Variants in ROBO2 observed in about 807,000 individuals in gnomAD.
ROBO2 encodes the protein roundabout guidance receptor 2.
ROBO2 carries 53 observed loss-of-function variants against 160.8 expected under a neutral mutation model. That is an observed-to-expected ratio of 0.33 (90% CI 0.26 to 0.41). ROBO2 has a LOEUF of 0.41. Among genes scored for constraint, ROBO2 ranks in the 10% least tolerant of loss-of-function variants. ROBO2 has a pLI of 1.00. For missense variants in ROBO2, 1,577 were observed against 1,722.4 expected (o/e 0.92, Z 1.49); for synonymous variants, 664 against 611.7 (o/e 1.09, Z -1.26).
intron 2 of ROBO2, among the ~76,000 whole-genome samples, chr3:76,949,866 G>A (rs1242135527): frequency 6.6e-6 from 1 of 152,158 alleles, no homozygotes; most frequent in African/African-American, 2.4e-5. Flanking sequence ...AACAAATCAA[G>A]CTTTGTATTT....
At chr3:77,471,548 C>T (rs954518733) in intron 2 of ROBO2, among the ~76,000 whole-genome samples, 6 of 152,068 alleles carry the variant, frequency 3.9e-5, no homozygotes, top group African/African-American at 1.2e-4. Flanking sequence ...AACATGGCAC[C>T]GTGCATGATC....
intron 2 of ROBO2, among the ~76,000 whole-genome samples, chr3:76,009,993 A>G (rs1226247891): frequency 6.6e-6 from 1 of 151,672 alleles, no homozygotes; most frequent in East Asian, 1.9e-4. Context: ...TATTTTCTTT[A>G]TATGTATTGT....
chr3:75,996,752 ATATGTAAAT>A (rs2065738037), intron 2 of ROBO2, among the ~76,000 whole-genome samples: 1 of 83,744 alleles, frequency 1.2e-5, no homozygotes, highest in African/African-American at 3.4e-5. Context: ...CAATTCTGAT[ATATGTAAAT>A]CATCAATTCT....
chr3:75,942,908 G>A (rs2107096746), intron 2 of ROBO2, among the ~76,000 whole-genome samples: 1 of 152,250 alleles, frequency 6.6e-6, no homozygotes, highest in Middle Eastern at 3.4e-3. Flanking sequence ...TTTCTTAAAA[G>A]TAGTTAGCAA....
intron 2 of ROBO2, among the ~76,000 whole-genome samples, chr3:76,596,644 G>C (rs1036697823): frequency 2.0e-5 from 3 of 152,044 alleles, no homozygotes; most frequent in Admixed American, 1.3e-4. Context: ...GAAGCTACTA[G>C]GCCATCAACA....
intron 2 of ROBO2, among the ~76,000 whole-genome samples, chr3:76,027,525 G>A (rs986629824): frequency 6.6e-6 from 1 of 151,810 alleles, no homozygotes; most frequent in African/African-American, 2.4e-5. Context: ...TGGTTGCTAC[G>A]CAAGGCCACT....
intron 2 of ROBO2, among the ~76,000 whole-genome samples, chr3:76,628,618 T>A (rs2089827981): frequency 6.6e-6 from 1 of 152,136 alleles, no homozygotes; most frequent in South Asian, 2.1e-4. Flanking sequence ...AAAGGAAACT[T>A]TTTTTTCCTC....
At chr3:77,017,598 T>C (rs1173917875) in intron 2 of ROBO2, among the ~76,000 whole-genome samples, 1 of 152,212 alleles carries the variant, frequency 6.6e-6, no homozygotes, top group Admixed American at 6.5e-5. Context: ...AGGGCTCTTA[T>C]GTAAATAATT....
At chr3:77,384,096 T>G (rs2073849177) in intron 2 of ROBO2, among the ~76,000 whole-genome samples, 1 of 152,144 alleles carries the variant, frequency 6.6e-6, no homozygotes, top group African/African-American at 2.4e-5. Flanking sequence ...CTAAAAAGCA[T>G]GGTGAGTTTT....
At chr3:76,912,478 T>C (rs1379803327) in intron 2 of ROBO2, among the ~76,000 whole-genome samples, 1 of 152,198 alleles carries the variant, frequency 6.6e-6, no homozygotes, top group East Asian at 1.9e-4. Context: ...TTTAAAAGGC[T>C]AAAATGTCAT....
rs111436416 is a variant in ROBO2 at position 76,963,071 on chromosome 3, A to G, written c.110-134943A>G. Among the ~76,000 whole-genome samples the G allele has an allele frequency of 5.9e-3, 903 of 152,242 alleles. 9 individuals carry two copies. The highest frequency in any genetic ancestry group is 0.02 in the African/African-American group (841 of 41,540). ...TAAGTCAAAATGAAGGTGGGAACAA[A>G]TGGAAAAAAAGGAAGAAAAGTTTGT... is the stretch of plus-strand genomic sequence containing the variant. On this transcript the variant is annotated intron_variant, in intron 2 of 26. Coordinates refer to the ROBO2 transcript ENST00000487694.
intron 2 of ROBO2, among the ~76,000 whole-genome samples, chr3:76,138,748 C>A (rs1208822048): frequency 6.6e-6 from 1 of 152,130 alleles, no homozygotes; most frequent in Non-Finnish European, 1.5e-5. Context: ...ACTTTGACAG[C>A]TCATCCTCCA....
exon 26 of ROBO2, chr3:77,648,923 T>C (rs1375847407): frequency 1.3e-5 from 2 of 152,190 alleles, no homozygotes; most frequent in African/African-American, 2.4e-5. Flanking sequence ...CTTGCACTCA[T>C]AGGCAATGCT....
At chr3:76,648,603 A>C (rs1056965320) in intron 2 of ROBO2, among the ~76,000 whole-genome samples, 6 of 152,102 alleles carry the variant, frequency 3.9e-5, no homozygotes, top group Non-Finnish European at 5.9e-5. Flanking sequence ...TATTTAGAGT[A>C]AACTGACATG....
chr3:76,245,832 C>T (rs924804468), intron 2 of ROBO2, among the ~76,000 whole-genome samples: 2 of 152,126 alleles, frequency 1.3e-5, no homozygotes, highest in Non-Finnish European at 2.9e-5. Flanking sequence ...ACAAGTCATA[C>T]TTCAAAGGTC....
rs116173252 is a variant in ROBO2 at position 77,385,008 on chromosome 3, G to A, written c.389-92406G>A. Among the ~76,000 whole-genome samples, 1,089 of 152,150 alleles carry A rather than the reference G, an allele frequency of 7.2e-3. 12 individuals are homozygous for A. Among genetic ancestry groups the A allele is most frequent in the African/African-American group, 0.024 (995 of 41,524 alleles). The stretch of plus-strand genomic sequence containing the variant: ...TTACAATAAACTTCAAATATGAAGG[G>A]TTTTTTGTTTGTTTGTTTTGTTTTT... On this transcript the variant is annotated intron_variant, in intron 2 of 25. Transcript: ENST00000461745.
chr3:76,217,485 C>T (rs1251025218), intron 2 of ROBO2, among the ~76,000 whole-genome samples: 1 of 152,104 alleles, frequency 6.6e-6, no homozygotes, highest in Non-Finnish European at 1.5e-5. Flanking sequence ...GGTGATATCA[C>T]CACCGATCCC....
intron 2 of ROBO2, among the ~76,000 whole-genome samples, chr3:77,338,860 A>G (rs1280005706): frequency 6.6e-6 from 1 of 152,114 alleles, no homozygotes; most frequent in African/African-American, 2.4e-5. Flanking sequence ...TTTATATTTT[A>G]CTCATAGTTG....
intron 7 of ROBO2, 133 bp downstream of exon 8, chr3:77,546,595 T>C (rs1394230262): frequency 2.0e-5 from 23 of 1,167,444 alleles, no homozygotes; most frequent in Non-Finnish European, 2.9e-5. Flanking sequence ...GACTGGTGAA[T>C]GTAAAAATAA....
Sources: gnomAD v4.1 joint callset for allele counts (sites outside exome capture counted in the v4.1 genomes callset) on GRCh38, gnomAD v4.1.1 for gene constraint, MANE v1.5 for transcripts, NCBI Gene and HGNC (gene_info 2026-07-23, HGNC 2026-07-21) for gene names.